Variants in PER2 observed in about 807,000 individuals in gnomAD.
PER2 encodes the protein period circadian protein homolog 2.
A neutral mutation model predicts 121.0 loss-of-function variants in PER2; 66 were observed. The observed-to-expected ratio is 0.55, with a 90% CI of 0.45 to 0.67. The LOEUF (loss-of-function observed/expected upper bound fraction) is 0.67. Ranked by LOEUF, PER2 falls within the 30% of genes least tolerant of loss-of-function variation. The pLI, the probability that PER2 is intolerant of heterozygous loss-of-function variation, is 0.00. For missense variants in PER2, 1,521 were observed against 1,635.0 expected (o/e 0.93, Z 1.20); for synonymous variants, 684 against 659.9 (o/e 1.04, Z -0.56).
chr2:238,275,710 T>C lies in PER2; in HGVS notation c.448+33A>G, dbSNP rs200017508. 81 of 1,603,868 alleles carry C rather than the reference T, an allele frequency of 5.1e-5. No individual in the cohort carries two copies. In the African/African-American group the frequency reaches 8.8e-4, roughly 17 times the overall value. On this transcript the variant is annotated intron_variant, in intron 4 of 22. Transcript: ENST00000254657. ...TGGGGGGATTTAAAACATATTTCTA[T>C]AGGTTTGGAGCAGATGTGCGAGGCC...
chr2:238,269,438 C>T (rs61086488), intron 6 of PER2, among the ~76,000 whole-genome samples: 10 of 141,052 alleles, frequency 7.1e-5, no homozygotes, highest in African/African-American at 2.7e-4. Context: ...AACACACTCA[C>T]GGTGCACTGC....
intron 21 of PER2, among the ~76,000 whole-genome samples, chr2:238,250,193 C>G (rs1695560343): frequency 6.6e-6 from 1 of 152,264 alleles, no homozygotes; most frequent in Non-Finnish European, 1.5e-5. Context: ...CAGCCAGATA[C>G]ACCCCATTTA....
At chr2:238,288,982 G>C (rs1473782053), upstream of PER2, 1 of 152,220 alleles carries the variant, frequency 6.6e-6, no homozygotes. Flanking sequence ...TTCCTCAATG[G>C]AGACGCGGCG....
At position 238,249,109 on chromosome 2, in the gene PER2, G is replaced by A. The variant is rs1427690997; in HGVS notation, c.3571C>T (p.His1191Tyr). ...ESQKQELREV[H>Y]QWMQTGGLPA... The stretch of plus-strand genomic sequence containing the variant: ...AGGCCGCCCGTCTGCATCCACTGGT[G>A]GACCTCGCGCAGCTCCTGCTTCTGA... Residue 1191 changes from histidine to tyrosine, a missense_variant, in exon 22 of 23, where the codon CAC (histidine) becomes TAC (tyrosine). Physicochemically the swap from His to Tyr is moderately conservative, Grantham distance 83. Transcript: ENST00000254657. 2.5e-6 allele frequency: 4 copies of A among 1,614,198 alleles called. No homozygotes were observed. Among genetic ancestry groups the A allele is most frequent in the Non-Finnish European group, 3.4e-6 (4 of 1,180,026 alleles).
Position 238,253,252 on chromosome 2 carries a change from A to G in PER2, c.2771T>C (p.Phe924Ser), listed in dbSNP as rs571806397. ...CGGAAACTGAGGCTGGCTGGGGAAGAAGGCCTGGGGCAGGTTTGGGGTCCC... is the reference window on the plus strand; with the variant it reads ...CGGAAACTGAGGCTGGCTGGGGAAGGAGGCCTGGGGCAGGTTTGGGGTCCC... ...PSGTPNLPQA[F>S]FPSQPQFPSH... is the part of the protein sequence containing the mutation. The change falls in exon 19 of 23, where the codon TTC becomes TCC. Residue 924 changes from phenylalanine (F) to serine (S), a missense_variant. Physicochemically the swap from Phe to Ser is radical, Grantham distance 155. Coordinates refer to ENST00000254657, the MANE Select transcript of PER2 (RefSeq NM_022817.3). The surrounding 1 kb of genome is among the most constrained non-coding windows in gnomAD (Gnocchi z 5.6). The G allele has an allele frequency of 8.2e-5, 131 of 1,605,700 alleles. No individual in the cohort carries two copies. The highest frequency in any genetic ancestry group is 4.7e-4 in the Admixed American group (28 of 59,626).
In PER2 at chr2:238,268,333, G is replaced by T; in HGVS notation, c.825-135C>A. On this transcript the variant is annotated intron_variant, in intron 7 of 22. Transcript: ENST00000254657. This position sits in a 1 kb window ranked among gnomAD's most constrained non-coding sequence, Gnocchi z 4.0. ...CTGCTCTGCCTGAGGAGCTGGGCCT[G>T]CCCCCTGCCCTCTTCGGTCCCTCCC... 2.3e-6 allele frequency: 2 copies of T among 878,626 alleles called. No individual in the cohort carries two copies. Among genetic ancestry groups the T allele is most frequent in the South Asian group, 1.4e-5 (1 of 70,556 alleles). The allele number at this position is 878,626 out of a possible 1,614,324, so 54.4% of individuals were successfully genotyped here.
At position 238,253,675 on chromosome 2, in the gene PER2, C is replaced by A. The variant is rs1481118099; in HGVS notation, c.2348G>T (p.Gly783Val). 1 of 1,608,060 alleles carries A rather than the reference C, an allele frequency of 6.2e-7. No homozygotes were observed. The highest frequency in any genetic ancestry group is 8.5e-7 in the Non-Finnish European group (1 of 1,176,796). ...TGTTTTTTTCCAAGGTGAATCTATT[C>A]CGGAAGTATTTCTTAGTCCAGGGGC... ...RTAPGLRNTS[G>V]IDSPWKKTGK... The change falls in exon 19 of 23, where the codon GGA (glycine) becomes GTA (valine). Residue 783 changes from glycine to valine, a missense_variant. Physicochemically the swap from Gly to Val is moderately radical, Grantham distance 109. Transcript: ENST00000254657. This position sits in a 1 kb window ranked among gnomAD's most constrained non-coding sequence, Gnocchi z 5.6.
chr2:238,250,050 G>A (rs754255665), intron 21 of PER2, among the ~76,000 whole-genome samples: 3 of 152,196 alleles, frequency 2.0e-5, no homozygotes, highest in African/African-American at 7.2e-5. Flanking sequence ...CGGGTGCTCC[G>A]CAGGGGAAGG....
chr2:238,257,236 TG>T (rs1353770825), intron 16 of PER2, 150 bp from the exon 17 acceptor site: 7 of 642,966 alleles, frequency 1.1e-5, no homozygotes, highest in African/African-American at 9.1e-5. Context: ...GGCCCAGGCA[TG>T]GGGTGATTTG....
At position 238,268,306 on chromosome 2, in the gene PER2, C is replaced by T. The variant is rs1696175687; in HGVS notation, c.825-108G>A. ...ATGCCATGCTGCAGGTGATGTGTAC[C>T]TCTGCTCTGCCTGAGGAGCTGGGCC... On this transcript the variant is annotated intron_variant, in intron 7 of 22. Transcript: ENST00000254657. The surrounding 1 kb of genome is among the most constrained non-coding windows in gnomAD (Gnocchi z 4.0). 1 of 1,163,834 alleles carries T rather than the reference C, an allele frequency of 8.6e-7. No individual in the cohort carries two copies. The highest frequency in any genetic ancestry group is 1.3e-5 in the South Asian group (1 of 77,614). The allele number at this position is 1,163,834 out of a possible 1,614,324, so 72.1% of individuals were successfully genotyped here. A position where few individuals can be genotyped will look rare whatever the true frequency, so the allele number is the denominator to read the frequency against.
chr2:238,262,308 G>A lies in PER2; in HGVS notation c.1190C>T (p.Pro397Leu), dbSNP rs1695960343. Reference protein sequence around the residue: ...QSGGQPFDYSPIRFRARNGEY... With the variant: ...QSGGQPFDYSLIRFRARNGEY... The stretch of plus-strand genomic sequence containing the variant: ...TCCGTTCCGGGCGCGAAACCGAATG[G>A]GAGAATAGTCGAAAGGCTGCCCGCC... Residue 397 changes from proline to leucine, a missense_variant, in exon 11 of 23, where the codon CCC (proline) becomes CTC (leucine). Pro to Leu is a moderately conservative substitution (Grantham distance 98). Transcript: ENST00000254657. The A allele has an allele frequency of 1.2e-6, 2 of 1,613,926 alleles. No homozygotes were observed. The highest frequency in any genetic ancestry group is 1.3e-5 in the African/African-American group (1 of 74,876).
intron 16 of PER2, among the ~76,000 whole-genome samples, chr2:238,257,316 T>G (rs78445704): frequency 0.017 from 2,647 of 152,250 alleles, 46 homozygotes; most frequent in South Asian, 0.067. Context: ...GTTACACACT[T>G]AAATCCTGAG....
At chr2:238,297,963 T>C in the PER2 span, among the ~76,000 whole-genome samples, 1 of 152,068 alleles carries the variant, frequency 6.6e-6, no homozygotes, top group African/African-American at 2.4e-5. Flanking sequence ...ATGCCTCACC[T>C]TGCCTTTTCT....
intron 5 of PER2, among the ~76,000 whole-genome samples, chr2:238,271,913 C>T (rs1445679468): frequency 6.6e-6 from 1 of 152,044 alleles, no homozygotes; most frequent in African/African-American, 2.4e-5. Flanking sequence ...ATAACCTCCC[C>T]TCCTCCCAGA....
rs2106359792 is a variant in PER2 at position 238,245,918 on chromosome 2, AATG to A, written c.*454_*456del. 1 of 326,720 alleles carries A rather than the reference AATG, an allele frequency of 3.1e-6. No individual in the cohort carries two copies. 20.2% of individuals were successfully genotyped at this position (326,720 alleles called of 1,614,324 possible). ...ATAAAAAAACACTCTACCTTGACTA[AATG>A]ATAATTCAGATAAAAAGCAGTCCCC... On this transcript the variant is annotated 3_prime_UTR_variant, in exon 23 of 23. Transcript: ENST00000254657.
intron 9 of PER2, among the ~76,000 whole-genome samples, chr2:238,265,043 T>C (rs1359687377): frequency 6.6e-6 from 1 of 152,230 alleles, no homozygotes; most frequent in Admixed American, 6.5e-5. Context: ...CAAATCTCAC[T>C]GGGACTGTTC....
chr2:238,262,085 C>T, intron 11 of PER2, 106 bp downstream of exon 11: 1 of 1,162,886 alleles, frequency 8.6e-7, no homozygotes, highest in Non-Finnish European at 1.3e-6. Flanking sequence ...AGGTTTCGGT[C>T]TTGGCCTCTC....
the PER2 span, chr2:238,299,541 C>CA: frequency 2.2e-4 from 33 of 148,044 alleles, no homozygotes; most frequent in African/African-American, 3.0e-4. Flanking sequence ...GACTCCGTCT[C>CA]AAAAAAAAAG....
intron 4 of PER2, 137 bp downstream of exon 4, chr2:238,275,606 T>C: frequency 1.1e-6 from 1 of 945,396 alleles, no homozygotes; most frequent in Non-Finnish European, 1.7e-6. Flanking sequence ...GCGGAATCGC[T>C]TAAGCCCAGA....
Sources: gnomAD v4.1 joint callset for allele counts (sites outside exome capture counted in the v4.1 genomes callset) on GRCh38, gnomAD v4.1.1 for gene constraint, Gnocchi (gnomAD v3.1) non-coding constraint, MANE v1.5 for transcripts, NCBI Gene and HGNC (gene_info 2026-07-23, HGNC 2026-07-21) for gene names.